The following TTI1 variants were observed in gnomAD, a reference collection of about 807,000 sequenced individuals.
TTI1 encodes the protein TELO2-interacting protein 1 homolog.
TTI1 carries 52 observed loss-of-function variants against 85.4 expected under a neutral mutation model. The observed-to-expected ratio is 0.61, with a 90% CI of 0.49 to 0.77. The LOEUF is 0.77. Among genes scored for constraint, TTI1 ranks in the 30% least tolerant of loss-of-function variants. TTI1 has a pLI of 0.00. For synonymous variants in TTI1, 512 were observed against 503.9 expected (o/e 1.02, Z -0.22); for missense variants, 1,173 against 1,296.0 (o/e 0.91, Z 1.46).
chr20:38,032,967 C>A (rs6013700), intron 1 of TTI1, among the ~76,000 whole-genome samples: 41,514 of 152,092 alleles, frequency 0.27, 7,786 homozygotes, highest in African/African-American at 0.54. Context: ...GACCCGCAGA[C>A]GGCAAAAGCA....
At chr20:38,003,461 T>C (rs2073453738) in intron 3 of TTI1, among the ~76,000 whole-genome samples, 1 of 152,130 alleles carries the variant, frequency 6.6e-6, no homozygotes. Context: ...ATGCCTTTGG[T>C]CTTTTCTAAA....
At position 38,002,621 on chromosome 20, in the gene TTI1, C is replaced by T. The variant is rs1429940450; in HGVS notation, c.2652+7G>A. ...CTGGGAATGCAGAGAAGCAGCTGCGCACTGACCTTCAGGCGGATTTGCAGA... is the reference window on the plus strand; with the variant it reads ...CTGGGAATGCAGAGAAGCAGCTGCGTACTGACCTTCAGGCGGATTTGCAGA... On this transcript the variant is annotated splice_region_variant and intron_variant, in intron 4 of 7. Transcript: ENST00000373447. 6.2e-7 allele frequency: 1 copy of T among 1,613,982 alleles called. No homozygotes were observed. The highest frequency in any genetic ancestry group is 1.7e-5 in the Admixed American group (1 of 60,028).
chr20:38,024,883 A>T (rs2073816411), intron 1 of TTI1, among the ~76,000 whole-genome samples: 1 of 152,128 alleles, frequency 6.6e-6, no homozygotes, highest in Non-Finnish European at 1.5e-5. Flanking sequence ...AGGTAGCATC[A>T]CAGGACACCT....
At chr20:38,010,648 T>A (rs1373918099) in intron 2 of TTI1, among the ~76,000 whole-genome samples, 3 of 151,904 alleles carry the variant, frequency 2.0e-5, no homozygotes, top group Non-Finnish European at 4.4e-5. Context: ...TTTTTTTTTT[T>A]TTATTTTTTA....
intron 4 of TTI1, among the ~76,000 whole-genome samples, chr20:37,999,726 G>A (rs2073393756): frequency 6.6e-6 from 1 of 152,212 alleles, no homozygotes; most frequent in Non-Finnish European, 1.5e-5. Context: ...TTAGTTCTGT[G>A]AAGATTCATG....
intron 1 of TTI1, among the ~76,000 whole-genome samples, chr20:38,023,247 G>A (rs1044709679): frequency 4.6e-5 from 7 of 152,312 alleles, no homozygotes; most frequent in African/African-American, 1.7e-4. Flanking sequence ...AAGCCCGCCT[G>A]ACTCCAAAGG....
At position 38,012,710 on chromosome 20, in the gene TTI1, G is replaced by A. The variant is rs751750850; in HGVS notation, c.1107C>T (p.Ala369=). 1.2e-6 allele frequency: 2 copies of A among 1,614,170 alleles called. No homozygotes were observed. The highest frequency in any genetic ancestry group is 1.1e-5 in the South Asian group (1 of 91,070). Residue 369 remains alanine (A), a synonymous_variant, in exon 2 of 8, where the codon GCC becomes GCT. Transcript: ENST00000373447. ...GGCTTTCTGACAAGATGTCAGCGAG[G>A]GCTTTGTTGCCCACCACTACTTTTT... ...ADQKVVVGNK[A]LADILSESLH... is the part of the protein sequence containing the mutation.
intron 1 of TTI1, among the ~76,000 whole-genome samples, chr20:38,017,455 G>A (rs2073701334): frequency 6.6e-6 from 1 of 150,852 alleles, no homozygotes; most frequent in Non-Finnish European, 1.5e-5. Context: ...CCTTTGGTGT[G>A]TGCGCACGAG....
chr20:38,025,141 TCTAAACATTAGA>T (rs2073819914), intron 1 of TTI1, among the ~76,000 whole-genome samples: 1 of 152,048 alleles, frequency 6.6e-6, no homozygotes, highest in Admixed American at 6.6e-5. Context: ...GATTGTTTAG[TCTAAACATTAGA>T]CTAAACAGCC....
At chr20:38,000,693 GCA>G (rs2073414035) in intron 4 of TTI1, among the ~76,000 whole-genome samples, 1 of 152,252 alleles carries the variant, frequency 6.6e-6, no homozygotes, top group East Asian at 1.9e-4. Flanking sequence ...AAGCTCAGCT[GCA>G]CAGTGGGGAG....
intron 4 of TTI1, among the ~76,000 whole-genome samples, chr20:38,001,341 A>G (rs371218172): frequency 3.3e-5 from 5 of 152,362 alleles, no homozygotes; most frequent in South Asian, 2.1e-4. Context: ...CACATGGCTA[A>G]TAAGAGGCAG....
chr20:38,011,551 AG>A lies in TTI1; in HGVS notation c.2265del (p.Phe756LeufsTer8), dbSNP rs1378379801. On this transcript the variant is annotated frameshift_variant, in exon 2 of 8. Coordinates refer to ENST00000373447, the MANE Select transcript of TTI1 (RefSeq NM_001303457.2). LOFTEE classifies it high-confidence loss of function. ...ATCAGAGCATGCAGAACGCTGACAAAGGAAGCAGCTCTCTTATCGTAAAATT... is the reference window on the plus strand; with the variant it reads ...ATCAGAGCATGCAGAACGCTGACAAAGAAGCAGCTCTCTTATCGTAAAATT... The part of the protein sequence containing the change: ...LDQFYDKRAA[S>X]FVSVLHALMA... 1 of 1,614,206 alleles carries A rather than the reference AG, an allele frequency of 6.2e-7. No homozygotes were observed. The highest frequency in any genetic ancestry group is 1.7e-5 in the Admixed American group (1 of 60,026).
At position 38,006,229 on chromosome 20, in the gene TTI1, T is replaced by C. The variant is rs1212434984; in HGVS notation, c.2471A>G (p.Asp824Gly). 1.9e-6 allele frequency: 3 copies of C among 1,614,104 alleles called. No individual in the cohort carries two copies. Among genetic ancestry groups the C allele is most frequent in the African/African-American group, 1.3e-5 (1 of 74,942 alleles). ...LNYLKEKDVADGNVSDFDNEE... is the reference protein window; with the variant it reads ...LNYLKEKDVAGGNVSDFDNEE... ...ATTATCAAAATCCGAGACATTTCCA[T>C]CTGCCACATCCTTCTCTTTGAGGTA... Residue 824 changes from aspartate to glycine, a missense_variant, in exon 3 of 8, where the codon GAT becomes GGT. Asp to Gly is a moderately conservative substitution (Grantham distance 94). Transcript: ENST00000373447.
chr20:38,003,161 C>A (rs1295269652), intron 3 of TTI1, among the ~76,000 whole-genome samples: 1 of 152,160 alleles, frequency 6.6e-6, no homozygotes, highest in Admixed American at 6.5e-5. Flanking sequence ...GGGGGTCTCA[C>A]TATGTTGCCC....
At chr20:37,988,612 T>C (rs2073222896) in intron 7 of TTI1, among the ~76,000 whole-genome samples, 1 of 152,240 alleles carries the variant, frequency 6.6e-6, no homozygotes, top group South Asian at 2.1e-4. Flanking sequence ...ATTTATAAAA[T>C]GCTCTCATGA....
intron 5 of TTI1, among the ~76,000 whole-genome samples, chr20:37,998,193 G>C (rs966337552): frequency 6.6e-6 from 1 of 152,116 alleles, no homozygotes; most frequent in Non-Finnish European, 1.5e-5. Flanking sequence ...CTCCCAAAGT[G>C]CTGGGATTAC....
intron 1 of TTI1, among the ~76,000 whole-genome samples, chr20:38,023,430 G>A (rs2122639574): frequency 6.6e-6 from 1 of 152,266 alleles, no homozygotes; most frequent in South Asian, 2.1e-4. Flanking sequence ...AACTTTGCAA[G>A]GTCAGTCCCA....
intron 2 of TTI1, among the ~76,000 whole-genome samples, chr20:38,008,261 C>A (rs972869453): frequency 2.0e-5 from 3 of 152,120 alleles, no homozygotes; most frequent in African/African-American, 4.8e-5. Flanking sequence ...TTTAAACCAG[C>A]ATTTTTTTCA....
chr20:38,013,627 C>G lies in TTI1; in HGVS notation c.190G>C (p.Gly64Arg). Residue 64 changes from glycine to arginine, a missense_variant, in exon 2 of 8, where the codon GGT becomes CGT. Transcript: ENST00000373447. ...TGGATCAAACGCTCTCTTTTGGGACCTGGGGTCTTCAGGGTAAATCGCAGA... is the reference window on the plus strand; with the variant it reads ...TGGATCAAACGCTCTCTTTTGGGACGTGGGGTCTTCAGGGTAAATCGCAGA... Reference protein sequence around the residue: ...FPLRFTLKTPGPKRERLIQSV... With the variant: ...FPLRFTLKTPRPKRERLIQSV... The G allele has an allele frequency of 6.2e-7, 1 of 1,614,186 alleles. No homozygotes were observed. The highest frequency in any genetic ancestry group is 1.1e-5 in the South Asian group (1 of 91,086).
Sources: allele counts gnomAD v4.1 joint callset (sites outside exome capture counted in the v4.1 genomes callset), GRCh38; gene constraint gnomAD v4.1.1; transcripts MANE v1.5; gene names NCBI Gene and HGNC (gene_info 2026-07-23, HGNC 2026-07-21).